Variants in SLC67A2 observed in about 807,000 individuals in gnomAD.
SLC67A2 encodes the protein solute carrier family 67 member 2, also known as solute carrier family 67 member A2.
the SLC67A2 span, chr2:102,723,808 C>A: frequency 6.2e-7 from 1 of 1,614,132 alleles, no homozygotes; most frequent in Non-Finnish European, 8.5e-7. Context: ...AAGCCCACAC[C>A]GGAGGCTGTG....
chr2:102,727,072 G>A, the SLC67A2 span: 1 of 1,366,974 alleles, frequency 7.3e-7, no homozygotes. Flanking sequence ...AACAATGGAA[G>A]ATTCAGTGTC....
At chr2:102,733,293 T>C in the SLC67A2 span, among the ~76,000 whole-genome samples, 1 of 152,220 alleles carries the variant, frequency 6.6e-6, no homozygotes, top group Non-Finnish European at 1.5e-5. Context: ...TTTCATTATA[T>C]TCGACCTGAA....
chr2:102,726,054 CAGG>C, the SLC67A2 span, among the ~76,000 whole-genome samples: 6 of 152,186 alleles, frequency 3.9e-5, no homozygotes, highest in African/African-American at 1.2e-4. Flanking sequence ...GCCGCATTCA[CAGG>C]AGGTGTTTCA....
At chr2:102,736,761 G>A in the SLC67A2 span, 32 of 1,613,610 alleles carry the variant, frequency 2.0e-5, no homozygotes, top group Non-Finnish European at 2.7e-5. Flanking sequence ...TGCGGTCTCC[G>A]AGACCAGCCT....
chr2:102,725,225 T>G, the SLC67A2 span, among the ~76,000 whole-genome samples: 157 of 152,320 alleles, frequency 1.0e-3, 2 homozygotes, highest in African/African-American at 3.6e-3. Context: ...CAACTGACTT[T>G]GTGAAGCAGA....
At chr2:102,719,813 AC>A in the SLC67A2 span, among the ~76,000 whole-genome samples, 2 of 152,216 alleles carry the variant, frequency 1.3e-5, no homozygotes, top group Admixed American at 1.3e-4. Flanking sequence ...CCTTGGCTTG[AC>A]CGATGGGCAG....
chr2:102,718,272 A>T, the SLC67A2 span: 1 of 899,204 alleles, frequency 1.1e-6, no homozygotes, highest in Non-Finnish European at 1.7e-6. Context: ...CTGCATGGCC[A>T]AGAGCTGACC....
At chr2:102,732,961 C>T in the SLC67A2 span, among the ~76,000 whole-genome samples, 261 of 152,326 alleles carry the variant, frequency 1.7e-3, no homozygotes, top group African/African-American at 5.8e-3. Context: ...CCATCACTTA[C>T]TAAACATGTG....
At chr2:102,715,886 G>A in the SLC67A2 span, 15 of 152,216 alleles carry the variant, frequency 9.9e-5, no homozygotes, top group African/African-American at 3.6e-4. Context: ...TTCCATAAGT[G>A]ATACAAATAC....
the SLC67A2 span, chr2:102,736,646 C>CAAG: frequency 6.2e-7 from 1 of 1,613,956 alleles, no homozygotes; most frequent in African/African-American, 1.3e-5. Context: ...TCGCACTCAC[C>CAAG]AAGAAGCCCA....
the SLC67A2 span, chr2:102,719,338 A>G: frequency 2.0e-5 from 18 of 903,636 alleles, no homozygotes; most frequent in Middle Eastern, 6.9e-4. Flanking sequence ...ACTAGTCTGT[A>G]TTTTTGTATC....
the SLC67A2 span, among the ~76,000 whole-genome samples, chr2:102,719,485 C>A: frequency 6.6e-6 from 1 of 152,188 alleles, no homozygotes; most frequent in Non-Finnish European, 1.5e-5. Context: ...TGATAGTGTT[C>A]TACATCTCAT....
the SLC67A2 span, among the ~76,000 whole-genome samples, chr2:102,731,664 T>G: frequency 6.6e-6 from 1 of 152,202 alleles, no homozygotes; most frequent in African/African-American, 2.4e-5. Flanking sequence ...AATCACGGCA[T>G]GGACCATGAT....
chr2:102,724,661 A>T, the SLC67A2 span, among the ~76,000 whole-genome samples: 1 of 152,160 alleles, frequency 6.6e-6, no homozygotes, highest in East Asian at 1.9e-4. Context: ...ACATAGTAGA[A>T]ACTGAATAAA....
chr2:102,730,419 A>G, the SLC67A2 span, among the ~76,000 whole-genome samples: 2 of 151,954 alleles, frequency 1.3e-5, no homozygotes, highest in African/African-American at 2.4e-5. Flanking sequence ...TTCTGTCTAT[A>G]CACTTAAGTC....
chr2:102,720,316 A>G, the SLC67A2 span, among the ~76,000 whole-genome samples: 15 of 152,314 alleles, frequency 9.8e-5, no homozygotes, highest in African/African-American at 3.6e-4. Flanking sequence ...TAATAATTCA[A>G]TCTTAAAAGG....
the SLC67A2 span, among the ~76,000 whole-genome samples, chr2:102,715,395 A>G: frequency 0.015 from 2,294 of 152,266 alleles, 62 homozygotes; most frequent in African/African-American, 0.053. Flanking sequence ...GCATGTAGCC[A>G]GGATACAGAA....
At chr2:102,736,812 C>T in the SLC67A2 span, 7 of 1,597,980 alleles carry the variant, frequency 4.4e-6, no homozygotes, top group African/African-American at 1.3e-5. Context: ...AAGCTCCATA[C>T]CCGCGCCGGC....
the SLC67A2 span, chr2:102,732,562 G>A: frequency 1.3e-3 from 753 of 599,500 alleles, 16 homozygotes; most frequent in East Asian, 0.019. Context: ...ATACAAATCC[G>A]CTGCCACTTG....
Sources: gnomAD v4.1 joint callset for allele counts (sites outside exome capture counted in the v4.1 genomes callset) on GRCh38, gnomAD v4.1.1 for gene constraint, MANE v1.5 for transcripts, NCBI Gene and HGNC (gene_info 2026-07-23, HGNC 2026-07-21) for gene names.